The following RORA variants were observed in gnomAD, a reference collection of about 807,000 sequenced individuals.
RORA encodes the protein RAR related orphan receptor A.
In RORA, 7 loss-of-function variants were observed where a neutral mutation model predicts 69.5. The ratio of observed to expected loss-of-function variants is 0.10; its 90% CI spans 0.06 to 0.19. The LOEUF (loss-of-function observed/expected upper bound fraction) is 0.19. Ranked by LOEUF, RORA falls within the 10% of genes least tolerant of loss-of-function variation. The probability of loss-of-function intolerance (pLI) is 1.00; values close to 1 mark genes in which losing one functional copy is unlikely to be tolerated. For synonymous variants in RORA, 261 were observed against 240.8 expected (o/e 1.08, Z -0.78); for missense variants, 457 against 663.0 (o/e 0.69, Z 3.41).
chr15:60,916,589 C>T (rs1300666422), intron 1 of RORA, among the ~76,000 whole-genome samples: 9 of 149,014 alleles, frequency 6.0e-5, no homozygotes, highest in South Asian at 4.2e-4. Flanking sequence ...ATCCATCCCT[C>T]GAAAATATCA....
intron 1 of RORA, among the ~76,000 whole-genome samples, chr15:60,910,751 T>C (rs546533220): frequency 7.2e-5 from 11 of 152,200 alleles, no homozygotes; most frequent in Non-Finnish European, 1.6e-4. Context: ...AAAATGCTTT[T>C]AAAGGTTAAA....
chr15:60,961,723 C>T (rs1427325319), intron 1 of RORA, among the ~76,000 whole-genome samples: 2 of 152,174 alleles, frequency 1.3e-5, no homozygotes, highest in African/African-American at 4.8e-5. Context: ...CCTGGCCGGC[C>T]TCCAGGAGCA....
At chr15:60,748,250 A>C (rs2071675468) in intron 1 of RORA, among the ~76,000 whole-genome samples, 2 of 151,722 alleles carry the variant, frequency 1.3e-5, no homozygotes, top group Non-Finnish European at 1.5e-5. Context: ...TCTATATCAT[A>C]TAGTTTACAT....
chr15:60,623,082 G>A (rs569990015), intron 2 of RORA, among the ~76,000 whole-genome samples: 2 of 152,304 alleles, frequency 1.3e-5, no homozygotes, highest in South Asian at 2.1e-4. Context: ...GAGGAATGCC[G>A]TGTCTTCCCT....
At chr15:60,700,279 C>A (rs933660950) in intron 1 of RORA, among the ~76,000 whole-genome samples, 1 of 152,110 alleles carries the variant, frequency 6.6e-6, no homozygotes, top group African/African-American at 2.4e-5. Flanking sequence ...CCCAGAGGTA[C>A]TAAGGGACAA....
intron 2 of RORA, among the ~76,000 whole-genome samples, chr15:60,555,606 A>T (rs1372731088): frequency 6.6e-6 from 1 of 152,106 alleles, no homozygotes; most frequent in African/African-American, 2.4e-5. Flanking sequence ...GTTTGAAACA[A>T]TTAGTGATTG....
intron 1 of RORA, among the ~76,000 whole-genome samples, chr15:60,924,563 T>C (rs887789143): frequency 6.6e-6 from 1 of 152,038 alleles, no homozygotes; most frequent in African/African-American, 2.4e-5. Flanking sequence ...TGTAATGGAA[T>C]AGAAATTCTT....
intron 1 of RORA, among the ~76,000 whole-genome samples, chr15:60,803,484 A>C (rs2072616179): frequency 1.3e-5 from 2 of 152,246 alleles, no homozygotes; most frequent in South Asian, 4.1e-4. Context: ...CCCTGCATGC[A>C]ACGTGCATGT....
chr15:60,699,987 C>A (rs1403179222), intron 1 of RORA, among the ~76,000 whole-genome samples: 1 of 152,170 alleles, frequency 6.6e-6, no homozygotes, highest in Non-Finnish European at 1.5e-5. Context: ...GACTGTTCCA[C>A]TAGTTTTCTG....
At chr15:61,145,857 T>C (rs1204776971) in intron 1 of RORA, among the ~76,000 whole-genome samples, 1 of 152,142 alleles carries the variant, frequency 6.6e-6, no homozygotes, top group African/African-American at 2.4e-5. Context: ...CTCCAGGCTA[T>C]ATACTGGAAA....
At chr15:60,509,071 GT>G (rs889520344) in intron 5 of RORA, among the ~76,000 whole-genome samples, 43 of 152,272 alleles carry the variant, frequency 2.8e-4, no homozygotes, top group African/African-American at 9.9e-4. Flanking sequence ...TGATGACAAA[GT>G]TTAGCCTAAA....
chr15:60,868,875 T>C (rs1051036761), intron 1 of RORA, among the ~76,000 whole-genome samples: 2 of 152,192 alleles, frequency 1.3e-5, no homozygotes, highest in African/African-American at 4.8e-5. Context: ...CCTGTCTATC[T>C]GTACATAAAG....
chr15:60,790,264 T>C (rs926178679), intron 1 of RORA, among the ~76,000 whole-genome samples: 6 of 152,228 alleles, frequency 3.9e-5, no homozygotes, highest in Non-Finnish European at 8.8e-5. Flanking sequence ...GTCTGTATAA[T>C]TGGAGTGGAG....
chr15:60,695,535 T>A (rs955672165), intron 1 of RORA, among the ~76,000 whole-genome samples: 2 of 151,996 alleles, frequency 1.3e-5, no homozygotes, highest in African/African-American at 4.8e-5. Flanking sequence ...AATTGCTATA[T>A]GATGAAGAGA....
intron 2 of RORA, among the ~76,000 whole-genome samples, chr15:60,580,175 T>C (rs1019530801): frequency 6.6e-6 from 1 of 152,202 alleles, no homozygotes; most frequent in East Asian, 1.9e-4. Context: ...CTTCCTGTTC[T>C]ACTTTTGGCA....
chr15:61,065,916 T>C (rs2078251091), intron 1 of RORA, among the ~76,000 whole-genome samples: 2 of 152,222 alleles, frequency 1.3e-5, no homozygotes, highest in Non-Finnish European at 2.9e-5. Flanking sequence ...GCAATTTATC[T>C]TTCTACCATG....
rs552288075 is a variant in RORA, at chr15:60,511,808, A to G, written c.425-187T>C. Among the ~76,000 whole-genome samples, 1 of 152,282 alleles carries G rather than the reference A, an allele frequency of 6.6e-6. No individual in the cohort carries two copies. Among genetic ancestry groups the G allele is most frequent in the Admixed American group, 6.5e-5 (1 of 15,300 alleles). On this transcript the variant is annotated intron_variant, in intron 4 of 10. Coordinates refer to ENST00000335670, the MANE Select transcript of RORA (RefSeq NM_134261.3). This position sits in a 1 kb window ranked among gnomAD's most constrained non-coding sequence, Gnocchi z 6.4. The stretch of plus-strand genomic sequence containing the variant: ...CACAGACTCGCTCCAGCTCCCCAAC[A>G]GCAAACACACATCCCAGAGAAACTC...
intron 2 of RORA, among the ~76,000 whole-genome samples, chr15:60,548,876 T>C (rs556060332): frequency 6.6e-6 from 1 of 152,254 alleles, no homozygotes; most frequent in South Asian, 2.1e-4. Flanking sequence ...CCGCCCGCCT[T>C]GGCCTCCCAA....
At chr15:60,516,216 TA>T (rs1567052569) in intron 3 of RORA, among the ~76,000 whole-genome samples, 35 of 11,286 alleles carry the variant, frequency 3.1e-3, no homozygotes, top group African/African-American at 0.01. Context: ...TATTTATATA[TA>T]TATATTTATA....
Sources: allele counts gnomAD v4.1 joint callset (sites outside exome capture counted in the v4.1 genomes callset), GRCh38; gene constraint gnomAD v4.1.1; non-coding constraint Gnocchi (gnomAD v3.1); transcripts MANE v1.5; gene names NCBI Gene and HGNC (gene_info 2026-07-23, HGNC 2026-07-21).